The following RORA variants were observed in gnomAD, a reference collection of about 807,000 sequenced individuals.
The protein encoded by RORA is RAR related orphan receptor A.
In RORA, 7 loss-of-function variants were observed where a neutral mutation model predicts 69.5. The observed-to-expected ratio is 0.10, with a 90% CI of 0.06 to 0.19. The LOEUF is 0.19. Ranked by LOEUF, RORA falls within the 10% of genes least tolerant of loss-of-function variation. The pLI, the probability that RORA is intolerant of heterozygous loss-of-function variation, is 1.00. For missense variants in RORA, 457 were observed against 663.0 expected, an observed-to-expected ratio of 0.69 and a Z score of 3.41; for synonymous variants, 261 against 240.8, an observed-to-expected ratio of 1.08 and a Z score of -0.78.
At chr15:60,919,108 T>A (rs4775318) in intron 1 of RORA, among the ~76,000 whole-genome samples, 50,528 of 151,988 alleles carry the variant, frequency 0.33, 8,986 homozygotes, top group East Asian at 0.7. Context: ...ACAAAACTGG[T>A]CTCCAGACTG....
chr15:60,524,311 A>G lies in RORA; in HGVS notation c.282+7455T>C, dbSNP rs532323999. Among the ~76,000 whole-genome samples the G allele has an allele frequency of 1.2e-4, 18 of 152,312 alleles. No homozygotes were observed. The South Asian group carries it at 3.7e-3, about 32-fold the overall frequency. On this transcript the variant is annotated intron_variant, in intron 3 of 10. Transcript: ENST00000335670. Reference sequence around the variant, plus strand: ...TCCATTTCACACAGTTACTAAAGATATCTTTCTAAAACATCAAACTGATCA... The same window carrying G: ...TCCATTTCACACAGTTACTAAAGATGTCTTTCTAAAACATCAAACTGATCA...
chr15:60,636,752 A>G (rs1417772007), intron 2 of RORA, among the ~76,000 whole-genome samples: 3 of 152,196 alleles, frequency 2.0e-5, no homozygotes, highest in Non-Finnish European at 4.4e-5. Context: ...GCCAAATGCA[A>G]CCACCACTAC....
intron 1 of RORA, among the ~76,000 whole-genome samples, chr15:60,769,425 A>C (rs1460087822): frequency 2.6e-5 from 4 of 152,154 alleles, no homozygotes; most frequent in African/African-American, 9.7e-5. Context: ...AACAAAAAAA[A>C]CCCATTTGGT....
intron 1 of RORA, among the ~76,000 whole-genome samples, chr15:61,067,728 T>C (rs1489974244): frequency 1.3e-5 from 2 of 152,198 alleles, no homozygotes; most frequent in East Asian, 1.9e-4. Context: ...TCAAAATATA[T>C]ACATATGTAC....
chr15:60,813,399 C>T (rs1310199588), intron 1 of RORA, among the ~76,000 whole-genome samples: 1 of 152,136 alleles, frequency 6.6e-6, no homozygotes, highest in African/African-American at 2.4e-5. Flanking sequence ...TGTTTGCTCA[C>T]GTCCCACGAA....
At position 60,511,378 on chromosome 15, in the gene RORA, A is replaced by C; in HGVS notation, c.668T>G (p.Leu223Arg). Residue 223 changes from leucine (L) to arginine (R), a missense_variant, in exon 5 of 11, where the codon CTG (leucine) becomes CGG (arginine). By Grantham distance (102) the Leu-to-Arg change is moderately radical (BLOSUM62 -2). This residue lies in a region of RORA where 304 missense variants were observed against 447.4 expected (regional missense o/e 0.68). Transcript: ENST00000335670. This position sits in a 1 kb window ranked among gnomAD's most constrained non-coding sequence, Gnocchi z 6.4. ...KADSAVSSFY[L>R]DIQPSPDQSG... ...CTGGTCTGGGGAAGGCTGTATGTCC[A>C]GGTAGAAGCTGCTGACGGCGGAGTC... The C allele has an allele frequency of 6.2e-7, 1 of 1,614,200 alleles. No individual in the cohort carries two copies. The highest frequency in any genetic ancestry group is 8.5e-7 in the Non-Finnish European group (1 of 1,180,036).
At chr15:61,166,296 T>C (rs1418180778) in intron 1 of RORA, among the ~76,000 whole-genome samples, 2 of 152,100 alleles carry the variant, frequency 1.3e-5, no homozygotes, top group African/African-American at 2.4e-5. Flanking sequence ...ACCTACAACA[T>C]GCCCAAGCAC....
At chr15:60,923,885 G>C (rs1892125547) in intron 1 of RORA, among the ~76,000 whole-genome samples, 1 of 152,146 alleles carries the variant, frequency 6.6e-6, no homozygotes, top group Admixed American at 6.5e-5. Context: ...CTGGAAGCTG[G>C]AGTGGGCAAG....
intron 2 of RORA, among the ~76,000 whole-genome samples, chr15:60,639,818 T>C (rs970743031): frequency 6.6e-6 from 1 of 152,198 alleles, no homozygotes; most frequent in African/African-American, 2.4e-5. Context: ...AAAGGCGTCC[T>C]TGTTTTGGTT....
intron 2 of RORA, among the ~76,000 whole-genome samples, chr15:60,577,789 A>C (rs1734617407): frequency 6.6e-6 from 1 of 152,224 alleles, no homozygotes; most frequent in Admixed American, 6.5e-5. Context: ...CACATTGCAT[A>C]TTAACATATA....
chr15:60,974,961 G>C lies in RORA; in HGVS notation c.166+254092C>G, dbSNP rs114897171. Among the ~76,000 whole-genome samples the C allele has an allele frequency of 3.2e-3, 481 of 152,342 alleles. 1 individual carries two copies. The highest frequency in any genetic ancestry group is 0.01 in the African/African-American group (428 of 41,576). On this transcript the variant is annotated intron_variant, in intron 1 of 10. Coordinates refer to ENST00000335670, the MANE Select transcript of RORA (RefSeq NM_134261.3). The stretch of plus-strand genomic sequence containing the variant: ...AAGGGCAAGCAACACTGTTCGGCTG[G>C]ACATGGTGAACAAGTGTGGACCTGA...
At chr15:60,969,895 G>T (rs1893663314) in intron 1 of RORA, among the ~76,000 whole-genome samples, 2 of 152,220 alleles carry the variant, frequency 1.3e-5, no homozygotes, top group African/African-American at 4.8e-5. Flanking sequence ...GGCCTTGAAG[G>T]AAGTAATTAA....
chr15:61,031,994 T>C lies in RORA; in HGVS notation c.166+197059A>G, dbSNP rs866352828. On this transcript the variant is annotated intron_variant, in intron 1 of 10. Coordinates refer to ENST00000335670, the MANE Select transcript of RORA (RefSeq NM_134261.3). ...CAAGGATGGTCATTTTATCGCTGAT[T>C]ACCTGATAGGGTTTGTCTCAAAATA... 2.6e-5 allele frequency among the ~76,000 whole-genome samples: 4 copies of C among 152,234 alleles called. No homozygotes were observed. In the South Asian group the frequency reaches 6.2e-4, roughly 24 times the overall value.
At chr15:60,780,780 C>G (rs2072241273) in intron 1 of RORA, among the ~76,000 whole-genome samples, 1 of 152,176 alleles carries the variant, frequency 6.6e-6, no homozygotes, top group African/African-American at 2.4e-5. Flanking sequence ...AGGAACTATG[C>G]ATGAATCTAG....
chr15:60,597,551 C>CACACACCAT (rs1555435946), intron 2 of RORA, among the ~76,000 whole-genome samples: 1 of 25,130 alleles, frequency 4.0e-5, no homozygotes, highest in Non-Finnish European at 7.4e-5. Flanking sequence ...ACACACACAA[C>CACACACCAT]ATATATATAT....
chr15:60,751,998 A>G (rs2071729624), intron 1 of RORA, among the ~76,000 whole-genome samples: 1 of 152,036 alleles, frequency 6.6e-6, no homozygotes, highest in Admixed American at 6.6e-5. Context: ...CATTTAACCT[A>G]TCTCCAGGGT....
Position 60,792,333 on chromosome 15 carries a change from T to C in RORA, c.167-113647A>G, listed in dbSNP as rs56261937. Among the ~76,000 whole-genome samples the C allele has an allele frequency of 4.1e-3, 631 of 152,230 alleles. 5 individuals carry two copies. The highest frequency in any genetic ancestry group is 0.013 in the African/African-American group (553 of 41,532). On this transcript the variant is annotated intron_variant, in intron 1 of 10. Coordinates refer to ENST00000335670, the MANE Select transcript of RORA (RefSeq NM_134261.3). ...ATTATAAACCATCAAACAGTATACA[T>C]ATATGAAATAGCAAGTTCCAGAAGA...
chr15:61,156,085 AT>A (rs1476564078), intron 1 of RORA, among the ~76,000 whole-genome samples: 1 of 152,126 alleles, frequency 6.6e-6, no homozygotes, highest in Non-Finnish European at 1.5e-5. Flanking sequence ...GAAAAAAAAA[AT>A]CTCATGATCT....
At chr15:60,612,316 A>G (rs969932177) in intron 2 of RORA, among the ~76,000 whole-genome samples, 1 of 152,124 alleles carries the variant, frequency 6.6e-6, no homozygotes, top group Non-Finnish European at 1.5e-5. Context: ...AAGCTGGTAT[A>G]CCAATTCTGT....
Sources: allele counts gnomAD v4.1 joint callset (sites outside exome capture counted in the v4.1 genomes callset), GRCh38; gene constraint gnomAD v4.1.1; regional missense constraint gnomAD v4.1.1; non-coding constraint Gnocchi (gnomAD v3.1); transcripts MANE v1.5; gene names NCBI Gene and HGNC (gene_info 2026-07-23, HGNC 2026-07-21).